ZNF76: variants seen among roughly 807,000 people sequenced by gnomAD.
ZNF76 encodes zinc finger protein 76, also known as zinc finger protein 523.
A neutral mutation model predicts 66.9 loss-of-function variants in ZNF76; 66 were observed. That is an observed-to-expected ratio of 0.99 (90% CI 0.81 to 1.21). The LOEUF (loss-of-function observed/expected upper bound fraction) is 1.21, where lower values mean the gene tolerates loss of function less well. Ranked by LOEUF, ZNF76 falls within the 50% of genes most tolerant of loss-of-function variation. The pLI, the probability that ZNF76 is intolerant of heterozygous loss-of-function variation, is 0.00. For missense variants in ZNF76, 729 were observed against 760.3 expected, an observed-to-expected ratio of 0.96 and a Z score of 0.48; for synonymous variants, 275 against 296.1, an observed-to-expected ratio of 0.93 and a Z score of 0.73.
At chr6:35,263,326 C>G (rs1475855584) in intron 1 of ZNF76, among the ~76,000 whole-genome samples, 1 of 152,202 alleles carries the variant, frequency 6.6e-6, no homozygotes, top group African/African-American at 2.4e-5. Flanking sequence ...AAGCTGCTTG[C>G]TGTATATGCC....
At chr6:35,280,207 T>A (rs1405515845) in intron 1 of ZNF76, among the ~76,000 whole-genome samples, 3 of 152,082 alleles carry the variant, frequency 2.0e-5, no homozygotes, top group Non-Finnish European at 2.9e-5. Flanking sequence ...GCTTTTTTTT[T>A]AAATTCACCC....
rs771424197 is a variant in ZNF76, at chr6:35,291,329, A to G, written c.677A>G (p.Lys226Arg). 8.1e-6 allele frequency: 13 copies of G among 1,613,936 alleles called. No individual in the cohort carries two copies. The Admixed American group carries it at 1.2e-4, about 14-fold the overall frequency. The stretch of plus-strand genomic sequence containing the variant: ...ACCCACACTGGTGAGAAACCATACA[A>G]GTGCCCAGAGGAGCTGTGCAGCAAG... ...VRTHTGEKPY[K>R]CPEELCSKAF... Residue 226 changes from lysine (K) to arginine (R), a missense_variant, in exon 8 of 14, where the codon AAG (lysine) becomes AGG (arginine). Lys to Arg is a conservative substitution (Grantham distance 26). Coordinates refer to ENST00000373953, the MANE Select transcript of ZNF76 (RefSeq NM_003427.5).
chr6:35,278,514 G>C (rs764409960), intron 1 of ZNF76, among the ~76,000 whole-genome samples: 2 of 152,366 alleles, frequency 1.3e-5, no homozygotes, highest in East Asian at 3.9e-4. Flanking sequence ...CTGACTTTAA[G>C]CAGCAGCATC....
intron 1 of ZNF76, among the ~76,000 whole-genome samples, chr6:35,280,428 G>T (rs940906468): frequency 3.9e-5 from 6 of 151,910 alleles, no homozygotes; most frequent in South Asian, 2.1e-4. Flanking sequence ...AAGTTATAAG[G>T]CTCCTTATAG....
intron 1 of ZNF76, among the ~76,000 whole-genome samples, chr6:35,262,320 T>C (rs1167791817): frequency 6.6e-6 from 1 of 152,186 alleles, no homozygotes; most frequent in African/African-American, 2.4e-5. Flanking sequence ...GGTTTTGTGA[T>C]CTGCTTCAGG....
chr6:35,289,895 A>G (rs574532325), intron 5 of ZNF76, among the ~76,000 whole-genome samples: 1 of 152,240 alleles, frequency 6.6e-6, no homozygotes, highest in Non-Finnish European at 1.5e-5. Context: ...GCAGGCTCCT[A>G]GGTGTGTGTG....
At chr6:35,260,648 G>T (rs1785106647) in intron 1 of ZNF76, among the ~76,000 whole-genome samples, 2 of 152,156 alleles carry the variant, frequency 1.3e-5, no homozygotes, top group African/African-American at 4.8e-5. Flanking sequence ...AGTCAATCCA[G>T]TGTGTGGTCC....
Position 35,295,208 on chromosome 6 carries a change from C to T in ZNF76, c.1673C>T (p.Ala558Val). 6.2e-7 allele frequency: 1 copy of T among 1,611,406 alleles called. No individual in the cohort carries two copies. The highest frequency in any genetic ancestry group is 8.5e-7 in the Non-Finnish European group (1 of 1,178,896). The change falls in exon 14 of 14, where the codon GCT becomes GTT. Residue 558 changes from alanine to valine, a missense_variant. By Grantham distance (64) the Ala-to-Val change is moderately conservative. Transcript: ENST00000373953. ...GCCACTGCGGCCATGCAGCAAGGGGCTGTGACCCTGGAGACAACAGTGTCG... is the reference window on the plus strand; with the variant it reads ...GCCACTGCGGCCATGCAGCAAGGGGTTGTGACCCTGGAGACAACAGTGTCG... The part of the protein sequence containing the change: ...NVATAAMQQG[A>V]VTLETTVSES...
intron 7 of ZNF76, chr6:35,291,006 G>A: frequency 3.4e-6 from 2 of 594,616 alleles, no homozygotes; most frequent in Non-Finnish European, 5.9e-6. Context: ...ATCTCTCTGG[G>A]CTTATTTTCC....
In ZNF76 at chr6:35,291,274, A is replaced by T. The variant is rs2150375014; in HGVS notation, c.626-4A>T. On this transcript the variant is annotated splice_region_variant and splice_polypyrimidine_tract_variant and intron_variant, in intron 7 of 13. Coordinates refer to ENST00000373953, the MANE Select transcript of ZNF76 (RefSeq NM_003427.5). Reference sequence around the variant, plus strand: ...CTCACCCCCTGCCTGCCACATATGGACAGGCTATGGACTGAAGAGCCACGT... The same window carrying T: ...CTCACCCCCTGCCTGCCACATATGGTCAGGCTATGGACTGAAGAGCCACGT... The T allele has an allele frequency of 6.2e-7, 1 of 1,605,492 alleles. No homozygotes were observed. Among genetic ancestry groups the T allele is most frequent in the Non-Finnish European group, 8.5e-7 (1 of 1,175,770 alleles).
At chr6:35,273,180 CA>C (rs1042331668) in intron 1 of ZNF76, among the ~76,000 whole-genome samples, 1 of 140,926 alleles carries the variant, frequency 7.1e-6, no homozygotes, top group Non-Finnish European at 1.5e-5. Context: ...AAACAAAAAA[CA>C]AAAAAAAAAC....
In ZNF76 at chr6:35,260,477, A is replaced by AC. The variant is rs1785075928; in HGVS notation, c.-97+641dup. On this transcript the variant is annotated intron_variant, in intron 1 of 13. Transcript: ENST00000373953. ...CCACGTCTGCCTTTATCCTAAAATCACCCCCACTGGCATCTCTCTCTGCGA... is the reference window on the plus strand; with the variant it reads ...CCACGTCTGCCTTTATCCTAAAATCACCCCCCACTGGCATCTCTCTCTGCGA... Among the ~76,000 whole-genome samples, 10 of 151,752 alleles carry AC rather than the reference A, an allele frequency of 6.6e-5. No homozygotes were observed. The South Asian group carries it at 2.1e-3, about 32-fold the overall frequency.
chr6:35,283,030 C>T (rs535409414), intron 2 of ZNF76, among the ~76,000 whole-genome samples: 5 of 152,342 alleles, frequency 3.3e-5, no homozygotes, highest in African/African-American at 4.8e-5. Flanking sequence ...GAACTTAGAA[C>T]TCTAGCTAGG....
chr6:35,270,683 G>A (rs888602299), intron 1 of ZNF76, among the ~76,000 whole-genome samples: 1 of 150,318 alleles, frequency 6.7e-6, no homozygotes, highest in Admixed American at 6.6e-5. Flanking sequence ...TCTGCCTCCC[G>A]AGTAGCTGGG....
rs2150382186 is a variant in ZNF76 at position 35,295,586 on chromosome 6, G to A, written c.*338G>A. The A allele has an allele frequency of 2.8e-6, 1 of 363,260 alleles. No individual in the cohort carries two copies. Among genetic ancestry groups the A allele is most frequent in the East Asian group, 6.9e-5 (1 of 14,478 alleles). 22.5% of individuals were successfully genotyped at this position (363,260 alleles called of 1,614,324 possible). A position where few individuals can be genotyped will look rare whatever the true frequency, so the allele number is the denominator to read the frequency against. ...CTGTTCCCCTTCTCAGGTAGAGATT[G>A]GGGCTGCTATGGGGACTGGCCCTGT... On this transcript the variant is annotated 3_prime_UTR_variant, in exon 14 of 14. Coordinates refer to ENST00000373953, the MANE Select transcript of ZNF76 (RefSeq NM_003427.5).
At chr6:35,260,739 G>GA (rs1021349836) in intron 1 of ZNF76, among the ~76,000 whole-genome samples, 94 of 152,296 alleles carry the variant, frequency 6.2e-4, no homozygotes, top group Middle Eastern at 6.8e-3. Context: ...TCATGACTGT[G>GA]ATGAGGTTGG....
chr6:35,279,893 A>G (rs1788503327), intron 1 of ZNF76: 1 of 152,144 alleles, frequency 6.6e-6, no homozygotes, highest in African/African-American at 2.4e-5. Flanking sequence ...ATTCAGTGGT[A>G]TGATCAAAGC....
intron 1 of ZNF76, among the ~76,000 whole-genome samples, chr6:35,265,067 A>G (rs767709005): frequency 1.3e-5 from 2 of 152,172 alleles, no homozygotes; most frequent in African/African-American, 2.4e-5. Context: ...TATTTGGTGA[A>G]TATCTGCTGT....
intron 13 of ZNF76, 123 bp from the exon 14 acceptor site, chr6:35,295,021 C>T (rs1472812041): frequency 2.7e-5 from 18 of 674,072 alleles, no homozygotes; most frequent in Non-Finnish European, 4.1e-5. Context: ...ACTAAGTGCT[C>T]AGCGTGTGGC....
Sources: gnomAD v4.1 joint callset for allele counts (sites outside exome capture counted in the v4.1 genomes callset) on GRCh38, gnomAD v4.1.1 for gene constraint, MANE v1.5 for transcripts, NCBI Gene and HGNC (gene_info 2026-07-23, HGNC 2026-07-21) for gene names.